Variants in AGBL4 observed in about 807,000 individuals in gnomAD.
The protein encoded by AGBL4 is cytosolic carboxypeptidase 6.
A neutral mutation model predicts 66.4 loss-of-function variants in AGBL4; 58 were observed. The observed-to-expected ratio is 0.87, with a 90% CI of 0.71 to 1.09. AGBL4 has a LOEUF of 1.09. AGBL4 is among the 50% of genes least tolerant of loss of function. The probability of loss-of-function intolerance (pLI) is 0.00; values close to 1 mark genes in which losing one functional copy is unlikely to be tolerated. For synonymous variants in AGBL4, 234 were observed against 222.9 expected (o/e 1.05, Z -0.44); for missense variants, 579 against 631.0 (o/e 0.92, Z 0.88).
chr1:49,757,086 T>C (rs944936353), intron 2 of AGBL4, among the ~76,000 whole-genome samples: 1 of 152,146 alleles, frequency 6.6e-6, no homozygotes, highest in Non-Finnish European at 1.5e-5. Flanking sequence ...AGTTCCCTCA[T>C]GCTGTTCTCA....
At chr1:48,591,496 C>A (rs1644918418) in intron 9 of AGBL4, among the ~76,000 whole-genome samples, 1 of 152,166 alleles carries the variant, frequency 6.6e-6, no homozygotes, top group African/African-American at 2.4e-5. Context: ...TGAGCCTCAG[C>A]TTTCTTATCT....
intron 4 of AGBL4, among the ~76,000 whole-genome samples, chr1:49,173,041 C>T (rs1284664496): frequency 6.6e-6 from 1 of 152,092 alleles, no homozygotes; most frequent in Non-Finnish European, 1.5e-5. Context: ...ATCGCTTGAA[C>T]CCAGGAGGCA....
intron 4 of AGBL4, among the ~76,000 whole-genome samples, chr1:49,058,941 C>T (rs1292874325): frequency 1.3e-5 from 2 of 152,058 alleles, no homozygotes; most frequent in Non-Finnish European, 2.9e-5. Context: ...TTCTGAATGG[C>T]AAAGGGTTCA....
intron 3 of AGBL4, among the ~76,000 whole-genome samples, chr1:49,599,214 C>T (rs1025098322): frequency 1.3e-5 from 2 of 152,180 alleles, no homozygotes; most frequent in Admixed American, 1.3e-4. Context: ...TAGAATTCGG[C>T]TGTGAATCCA....
chr1:48,663,422 A>G (rs948169966), intron 6 of AGBL4, among the ~76,000 whole-genome samples, 181 bp from the exon 7 acceptor site: 1 of 152,208 alleles, frequency 6.6e-6, no homozygotes, highest in Non-Finnish European at 1.5e-5. Flanking sequence ...GTCCCTACCC[A>G]ACAAAAGACT....
intron 5 of AGBL4, among the ~76,000 whole-genome samples, chr1:49,026,513 A>G (rs963085469): frequency 6.6e-6 from 1 of 152,196 alleles, no homozygotes; most frequent in Non-Finnish European, 1.5e-5. Flanking sequence ...GATAATTTTT[A>G]GAGAAAGGGC....
intron 3 of AGBL4, among the ~76,000 whole-genome samples, chr1:49,379,619 T>G (rs1557885004): frequency 2.0e-5 from 3 of 152,316 alleles, no homozygotes; most frequent in South Asian, 4.1e-4. Flanking sequence ...AGGCCTTTTC[T>G]GCATCTATTG....
intron 3 of AGBL4, among the ~76,000 whole-genome samples, chr1:49,288,055 T>C (rs932373162): frequency 7.3e-6 from 1 of 137,772 alleles, no homozygotes; most frequent in African/African-American, 2.7e-5. Flanking sequence ...TGAGTTCATG[T>C]CCTTTGTAGG....
intron 4 of AGBL4, among the ~76,000 whole-genome samples, chr1:49,046,079 G>T (rs1644072711): frequency 6.6e-6 from 1 of 152,146 alleles, no homozygotes; most frequent in South Asian, 2.1e-4. Flanking sequence ...CTTATTTTGA[G>T]CACTTAACAT....
intron 6 of AGBL4, among the ~76,000 whole-genome samples, chr1:48,862,630 C>T (rs942692782): frequency 1.3e-5 from 2 of 152,148 alleles, no homozygotes; most frequent in African/African-American, 4.8e-5. Flanking sequence ...CTAAAAGTCA[C>T]TTTCTTTATA....
intron 2 of AGBL4, among the ~76,000 whole-genome samples, chr1:49,723,422 C>T (rs1224092250): frequency 6.6e-6 from 1 of 152,058 alleles, no homozygotes; most frequent in Non-Finnish European, 1.5e-5. Context: ...GAATAAAATG[C>T]AAAATCAGCC....
At chr1:49,727,765 C>A (rs1306701351) in intron 2 of AGBL4, among the ~76,000 whole-genome samples, 2 of 152,000 alleles carry the variant, frequency 1.3e-5, no homozygotes, top group Non-Finnish European at 2.9e-5. Flanking sequence ...ATCTTAGAAG[C>A]CAATAGTCCC....
chr1:49,338,713 T>C (rs999233693), intron 3 of AGBL4, among the ~76,000 whole-genome samples: 1 of 152,066 alleles, frequency 6.6e-6, no homozygotes, highest in African/African-American at 2.4e-5. Context: ...AAGGCCAAAA[T>C]TCAAGGGGAA....
At chr1:49,371,453 A>T (rs1032070610) in intron 3 of AGBL4, among the ~76,000 whole-genome samples, 1 of 152,150 alleles carries the variant, frequency 6.6e-6, no homozygotes, top group African/African-American at 2.4e-5. Flanking sequence ...GAAATATTTT[A>T]TAAATGATTA....
intron 2 of AGBL4, among the ~76,000 whole-genome samples, chr1:49,837,619 G>A (rs1386784941): frequency 6.6e-6 from 1 of 152,168 alleles, no homozygotes; most frequent in Non-Finnish European, 1.5e-5. Flanking sequence ...GGCCAAGGCG[G>A]GTGGATCACG....
intron 6 of AGBL4, among the ~76,000 whole-genome samples, chr1:48,836,289 T>C (rs1389683493): frequency 8.0e-6 from 1 of 124,722 alleles, no homozygotes; most frequent in Non-Finnish European, 1.7e-5. Context: ...GGCTACTAAG[T>C]TTCCTCAAAA....
intron 6 of AGBL4, among the ~76,000 whole-genome samples, chr1:48,818,818 T>A (rs1646246578): frequency 6.6e-6 from 1 of 152,178 alleles, no homozygotes. Context: ...TGATAGTTTT[T>A]GAGCATTTTA....
At chr1:49,966,997 T>C (rs958965819) in intron 1 of AGBL4, among the ~76,000 whole-genome samples, 2 of 152,184 alleles carry the variant, frequency 1.3e-5, no homozygotes, top group Admixed American at 1.3e-4. Context: ...TAGAATGATT[T>C]ATAATCCTTG....
intron 3 of AGBL4, among the ~76,000 whole-genome samples, chr1:49,431,287 T>C (rs1348442698): frequency 6.6e-6 from 1 of 152,222 alleles, no homozygotes; most frequent in African/African-American, 2.4e-5. Flanking sequence ...AAACTCCATG[T>C]AAATATAAAG....
Sources: allele counts gnomAD v4.1 joint callset (sites outside exome capture counted in the v4.1 genomes callset), GRCh38; gene constraint gnomAD v4.1.1; transcripts MANE v1.5; gene names NCBI Gene and HGNC (gene_info 2026-07-23, HGNC 2026-07-21).